Variants in PHYH observed in about 807,000 individuals in gnomAD.
PHYH encodes the protein phytanoyl-CoA dioxygenase, peroxisomal.
PHYH carries 32 observed loss-of-function variants against 38.5 expected under a neutral mutation model. That is an observed-to-expected ratio of 0.83 (90% confidence interval 0.63 to 1.12). PHYH has a LOEUF of 1.12. PHYH is among the 50% of genes most tolerant of loss of function. The probability of loss-of-function intolerance (pLI) is 0.00; values close to 1 mark genes in which losing one functional copy is unlikely to be tolerated. For synonymous variants in PHYH, 166 were observed against 157.9 expected, an observed-to-expected ratio of 1.05 and a Z score of -0.38; for missense variants, 426 against 434.8, an observed-to-expected ratio of 0.98 and a Z score of 0.18.
At chr10:13,298,964 T>TAATAACAAC (rs1486409964) in intron 1 of PHYH, among the ~76,000 whole-genome samples, 3 of 72,074 alleles carry the variant, frequency 4.2e-5, no homozygotes, top group Admixed American at 1.9e-4. Flanking sequence ...ATAATAATAA[T>TAATAACAAC]AACAACAATA....
intron 4 of PHYH, among the ~76,000 whole-genome samples, chr10:13,293,169 A>T (rs181247567): frequency 6.3e-4 from 96 of 152,196 alleles, no homozygotes; most frequent in Non-Finnish European, 1.3e-4. Flanking sequence ...ATTTTTTTGT[A>T]TTCATCTAGG....
intron 4 of PHYH, among the ~76,000 whole-genome samples, chr10:13,293,679 T>A (rs1218126662): frequency 1.3e-5 from 2 of 152,168 alleles, no homozygotes; most frequent in African/African-American, 4.8e-5. Context: ...GTTGCCAGAC[T>A]GGTCTTGAAC....
Position 13,283,759 on chromosome 10 carries a change from G to A in PHYH, c.759C>T (p.Gly253=), listed in dbSNP as rs201167753. The A allele has an allele frequency of 1.1e-4, 181 of 1,613,938 alleles. No individual in the cohort carries two copies. The highest frequency in any genetic ancestry group is 2.2e-4 in the South Asian group (20 of 91,080). ...KARVHLVMEK[G]DTVFFHPLLI... is the part of the protein sequence containing the mutation. ...GCAAAGGATGGAAGAAAACAGTGTC[G>A]CCCTTCTCCATCACCAGGTGCACCC... is the stretch of plus-strand genomic sequence containing the variant. The change falls in exon 7 of 9, where the codon GGC becomes GGT. Residue 253 remains glycine (G), a synonymous_variant. Coordinates refer to ENST00000263038, the MANE Select transcript of PHYH (RefSeq NM_006214.4).
At chr10:13,298,780 CTAATAATAA>C (rs148321965) in intron 1 of PHYH, among the ~76,000 whole-genome samples, 7 of 140,964 alleles carry the variant, frequency 5.0e-5, no homozygotes, top group African/African-American at 1.8e-4. Context: ...ACTACTACTA[CTAATAATAA>C]TAATACAAAT....
intron 4 of PHYH, 110 bp from the exon 5 acceptor site, chr10:13,292,022 T>C: frequency 1.3e-6 from 1 of 757,440 alleles, no homozygotes. Flanking sequence ...GGCAATAGTT[T>C]AAGAACCAAG....
chr10:13,288,145 CAAAA>C (rs1185418589), intron 6 of PHYH, among the ~76,000 whole-genome samples: 4 of 152,204 alleles, frequency 2.6e-5, no homozygotes, highest in Non-Finnish European at 5.9e-5. Flanking sequence ...GACCCTGTCT[CAAAA>C]ACAAACAAAC....
rs1835399499 is a variant in PHYH, at chr10:13,281,063, C to T, written c.876G>A (p.Val292=). The change falls in exon 8 of 9, where the codon GTG becomes GTA. Residue 292 remains valine, a synonymous_variant. Transcript: ENST00000263038. ...FASADCHYID[V]KGTSQENIEK... is the part of the protein sequence containing the mutation. ...CGATGTTTTCTTGACTGGTGCCCTT[C>T]ACGTCAATGTAGTGGCAATCGGCAC... is the stretch of plus-strand genomic sequence containing the variant. 8.7e-6 allele frequency: 14 copies of T among 1,613,964 alleles called. No homozygotes were observed. The highest frequency in any genetic ancestry group is 1.3e-5 in the African/African-American group (1 of 74,924).
At chr10:13,290,508 A>T (rs1835681036) in intron 5 of PHYH, among the ~76,000 whole-genome samples, 1 of 96,400 alleles carries the variant, frequency 1.0e-5, no homozygotes, top group Non-Finnish European at 2.2e-5. Context: ...TGCAGATCAG[A>T]AGGAAGAAAA....
Position 13,299,999 on chromosome 10 carries a change from C to A in PHYH, c.44G>T (p.Gly15Val). 1.3e-6 allele frequency: 2 copies of A among 1,532,848 alleles called. No homozygotes were observed. Among genetic ancestry groups the A allele is most frequent in the Non-Finnish European group, 1.7e-6 (2 of 1,144,700 alleles). 95.0% of individuals were successfully genotyped at this position (1,532,848 alleles called of 1,614,324 possible). ...CCCGGCCGAGGGGCGGCCGAGGTGG[C>A]CCAGAACAATCTGCAGACGGGCGGC... The part of the protein sequence containing the change: ...RAAARLQIVL[G>V]HLGRPSAGAV... The change falls in exon 1 of 9, where the codon GGC becomes GTC. Residue 15 changes from glycine to valine, a missense_variant. Coordinates refer to ENST00000263038, the MANE Select transcript of PHYH (RefSeq NM_006214.4).
At chr10:13,288,132 C>G (rs1442670164) in intron 6 of PHYH, among the ~76,000 whole-genome samples, 1 of 152,102 alleles carries the variant, frequency 6.6e-6, no homozygotes, top group Non-Finnish European at 1.5e-5. Flanking sequence ...GTGAGTTGAG[C>G]AAGACCCTGT....
chr10:13,298,768 C>CTACTGT, intron 1 of PHYH, among the ~76,000 whole-genome samples: 1 of 38,366 alleles, frequency 2.6e-5, no homozygotes, highest in Non-Finnish European at 5.9e-5. Context: ...ACTACTGCTA[C>CTACTGT]TACTACTACT....
At chr10:13,293,464 G>A (rs1020236779) in intron 4 of PHYH, among the ~76,000 whole-genome samples, 1 of 151,988 alleles carries the variant, frequency 6.6e-6, no homozygotes, top group Non-Finnish European at 1.5e-5. Context: ...ACCATGCCCA[G>A]CTAATTTTTG....
chr10:13,294,104 G>A (rs2985298), intron 4 of PHYH, among the ~76,000 whole-genome samples: 106,163 of 151,888 alleles, frequency 0.7, 38,039 homozygotes, highest in East Asian at 0.89. Context: ...TGGGAGGCTG[G>A]GGCAGGATAA....
At chr10:13,297,680 T>A (rs1832599406) in intron 2 of PHYH, among the ~76,000 whole-genome samples, 1 of 151,980 alleles carries the variant, frequency 6.6e-6, no homozygotes, top group African/African-American at 2.4e-5. Context: ...CAGGCTGGTC[T>A]CGAACTCCTG....
intron 4 of PHYH, among the ~76,000 whole-genome samples, chr10:13,292,216 CAGA>C (rs1187500452): frequency 3.9e-5 from 6 of 152,178 alleles, no homozygotes; most frequent in Non-Finnish European, 8.8e-5. Flanking sequence ...ACCCAAGCAA[CAGA>C]AGGTTGCTCA....
At chr10:13,282,260 T>C (rs1835429946) in intron 7 of PHYH, among the ~76,000 whole-genome samples, 1 of 151,112 alleles carries the variant, frequency 6.6e-6, no homozygotes, top group East Asian at 2.0e-4. Context: ...CAAATAAATA[T>C]ATAAACAAAT....
At chr10:13,291,074 A>G (rs975475797) in intron 5 of PHYH, among the ~76,000 whole-genome samples, 4 of 129,794 alleles carry the variant, frequency 3.1e-5, no homozygotes, top group Non-Finnish European at 6.2e-5. Context: ...ATCGCACTCC[A>G]GCCTGGGCAA....
In PHYH at chr10:13,298,242, C is replaced by A. The variant is rs1832626134; in HGVS notation, c.79G>T (p.Ala27Ser). Reference sequence around the variant, plus strand: ...GAAATAGTCCCTGAAGTGGGATGAGCTACCTAGGATGTGAATTAAGGCAAA... The same window carrying A: ...GAAATAGTCCCTGAAGTGGGATGAGATACCTAGGATGTGAATTAAGGCAAA... ...LGRPSAGAVV[A>S]HPTSGTISSA... The change falls in exon 2 of 9, where the codon GCT becomes TCT. Residue 27 changes from alanine to serine, a missense_variant. Transcript: ENST00000263038. 1 of 1,594,812 alleles carries A rather than the reference C, an allele frequency of 6.3e-7. No individual in the cohort carries two copies. Among genetic ancestry groups the A allele is most frequent in the Non-Finnish European group, 8.6e-7 (1 of 1,162,642 alleles).
At chr10:13,288,655 G>A in intron 5 of PHYH, 114 bp from the exon 6 acceptor site, 1 of 1,021,918 alleles carries the variant, frequency 9.8e-7, no homozygotes, top group Non-Finnish European at 1.5e-6. Flanking sequence ...GGCTGAGGCA[G>A]ATGGATGGCT....
Sources: gnomAD v4.1 joint callset for allele counts (sites outside exome capture counted in the v4.1 genomes callset) on GRCh38, gnomAD v4.1.1 for gene constraint, MANE v1.5 for transcripts, NCBI Gene and HGNC (gene_info 2026-07-23, HGNC 2026-07-21) for gene names.